The following CD1B variants were observed in gnomAD, a reference collection of about 807,000 sequenced individuals.
CD1B encodes the protein CD1b molecule.
In CD1B, 43 loss-of-function variants were observed where a neutral mutation model predicts 39.8. The observed-to-expected ratio is 1.08, with a 90% CI of 0.85 to 1.39. The LOEUF is 1.39. CD1B is among the 40% of genes most tolerant of loss of function. The probability of loss-of-function intolerance (pLI) is 0.00; values close to 1 mark genes in which losing one functional copy is unlikely to be tolerated. For synonymous variants in CD1B, 192 were observed against 152.5 expected, an observed-to-expected ratio of 1.26 and a Z score of -1.91; for missense variants, 495 against 403.8, an observed-to-expected ratio of 1.23 and a Z score of -1.94.
the CD1B span, among the ~76,000 whole-genome samples, chr1:158,320,031 A>G: frequency 2.6e-5 from 4 of 152,208 alleles, no homozygotes; most frequent in African/African-American, 7.2e-5. Context: ...TCAGATCTCC[A>G]GCTGCGTACT....
At chr1:158,291,743 G>T in the CD1B span, among the ~76,000 whole-genome samples, 1 of 151,998 alleles carries the variant, frequency 6.6e-6, no homozygotes, top group Non-Finnish European at 1.5e-5. Flanking sequence ...ACAGTTCAAT[G>T]ACCATTATGA....
chr1:158,299,154 C>T, the CD1B span, among the ~76,000 whole-genome samples: 1 of 152,072 alleles, frequency 6.6e-6, no homozygotes, highest in East Asian at 1.9e-4. Context: ...GTGGGTTTGT[C>T]ATAAATAGGT....
At chr1:158,330,168 A>C in intron 2 of CD1B, 38 bp from the exon 3 acceptor site, 1 of 1,541,896 alleles carries the variant, frequency 6.5e-7, no homozygotes. Context: ...ATTAAACACA[A>C]ATAAGAAAAA....
chr1:158,291,085 T>C, the CD1B span: 1 of 1,557,664 alleles, frequency 6.4e-7, no homozygotes, highest in East Asian at 2.3e-5. Context: ...TTTCCTTGCC[T>C]CTCTTTTTTT....
downstream of CD1B, among the ~76,000 whole-genome samples, chr1:158,323,265 A>AATTCTG (rs1225060522): frequency 6.6e-6 from 1 of 150,878 alleles, no homozygotes; most frequent in Non-Finnish European, 1.5e-5. Flanking sequence ...CTGCTTGATT[A>AATTCTG]ATTCTGCTGT....
chr1:158,329,316 A>T, intron 4 of CD1B, 54 bp downstream of exon 4: 1 of 1,573,490 alleles, frequency 6.4e-7, no homozygotes, highest in Non-Finnish European at 8.7e-7. Context: ...GCCTCCCTCT[A>T]TGCCTGAAGA....
the CD1B span, among the ~76,000 whole-genome samples, chr1:158,317,910 T>C: frequency 3.3e-5 from 5 of 152,344 alleles, no homozygotes; most frequent in East Asian, 9.6e-4. Flanking sequence ...CTGCCTTCAT[T>C]TCATTATGTA....
Position 158,331,528 on chromosome 1 carries a change from T to G in CD1B, c.-105A>C. 1 of 898,996 alleles carries G rather than the reference T, an allele frequency of 1.1e-6. No individual in the cohort carries two copies. Among genetic ancestry groups the G allele is most frequent in the Non-Finnish European group, 1.8e-6 (1 of 555,916 alleles). 55.7% of individuals were successfully genotyped at this position (898,996 alleles called of 1,614,324 possible). On this transcript the variant is annotated 5_prime_UTR_variant, in exon 1 of 6. Coordinates refer to ENST00000368168, the MANE Select transcript of CD1B (RefSeq NM_001764.3). ...GTAGTGACTTCTTCTCTCTTCCAACTGCCAAATCTCTTCCTCATCCAAACT... is the reference window on the plus strand; with the variant it reads ...GTAGTGACTTCTTCTCTCTTCCAACGGCCAAATCTCTTCCTCATCCAAACT...
At chr1:158,316,791 G>T in the CD1B span, among the ~76,000 whole-genome samples, 2 of 151,624 alleles carry the variant, frequency 1.3e-5, no homozygotes, top group Non-Finnish European at 2.9e-5. Context: ...ATTGGCTGTG[G>T]GTTTGTCATA....
the CD1B span, among the ~76,000 whole-genome samples, chr1:158,307,799 A>G: frequency 6.6e-6 from 1 of 152,116 alleles, no homozygotes; most frequent in Non-Finnish European, 1.5e-5. Flanking sequence ...TCATGCTAAA[A>G]ACTCTCAATA....
chr1:158,308,675 C>T, the CD1B span, among the ~76,000 whole-genome samples: 7 of 152,146 alleles, frequency 4.6e-5, no homozygotes, highest in African/African-American at 1.7e-4. Context: ...GAAATAACGC[C>T]ACATATCTAT....
the CD1B span, among the ~76,000 whole-genome samples, chr1:158,319,364 T>A: frequency 6.6e-6 from 1 of 152,216 alleles, no homozygotes; most frequent in Non-Finnish European, 1.5e-5. Flanking sequence ...TGTTGATTTC[T>A]TTTTATTCTT....
chr1:158,301,937 T>G, the CD1B span, among the ~76,000 whole-genome samples: 6 of 148,402 alleles, frequency 4.0e-5, no homozygotes, highest in Non-Finnish European at 8.8e-5. Flanking sequence ...AAACATAGAT[T>G]TTTTTCTTTT....
intron 4 of CD1B, 79 bp from the exon 5 acceptor site, chr1:158,329,093 C>T: frequency 1.7e-6 from 2 of 1,206,042 alleles, no homozygotes; most frequent in Non-Finnish European, 1.2e-6. Flanking sequence ...TGCCCACCTA[C>T]TTCCAATGTA....
chr1:158,319,303 A>G, the CD1B span, among the ~76,000 whole-genome samples: 1 of 152,022 alleles, frequency 6.6e-6, no homozygotes, highest in Non-Finnish European at 1.5e-5. Context: ...AGGTACACCA[A>G]TCAGACGTAG....
At chr1:158,292,917 C>T in the CD1B span, 71 of 1,599,970 alleles carry the variant, frequency 4.4e-5, no homozygotes, top group African/African-American at 8.2e-4. Context: ...GTTCTTGAGC[C>T]TAGAGGTTAG....
the CD1B span, among the ~76,000 whole-genome samples, chr1:158,309,102 C>G: frequency 2.6e-5 from 4 of 152,072 alleles, no homozygotes; most frequent in Admixed American, 6.6e-5. Flanking sequence ...GGCTAATATC[C>G]AGAATCTACT....
At chr1:158,310,168 C>G in the CD1B span, among the ~76,000 whole-genome samples, 1 of 152,044 alleles carries the variant, frequency 6.6e-6, no homozygotes, top group Non-Finnish European at 1.5e-5. Context: ...AATCTGCACA[C>G]CTTACAACCA....
chr1:158,306,497 C>CTGTTAAAATTAG, the CD1B span, among the ~76,000 whole-genome samples: 1 of 152,152 alleles, frequency 6.6e-6, no homozygotes, highest in South Asian at 2.1e-4. Context: ...TTTAACACCC[C>CTGTTAAAATTAG]ACTGTCAACA....
Sources: allele counts gnomAD v4.1 joint callset (sites outside exome capture counted in the v4.1 genomes callset), GRCh38; gene constraint gnomAD v4.1.1; transcripts MANE v1.5; gene names NCBI Gene and HGNC (gene_info 2026-07-23, HGNC 2026-07-21).